Variants in SNW1 observed in about 807,000 individuals in gnomAD.
SNW1 encodes SNW domain-containing protein 1.
SNW1 carries 9 observed loss-of-function variants against 75.6 expected under a neutral mutation model. The ratio of observed to expected loss-of-function variants is 0.12; its 90% CI spans 0.07 to 0.21. The LOEUF (loss-of-function observed/expected upper bound fraction) is 0.21. Among genes scored for constraint, SNW1 ranks in the 10% least tolerant of loss-of-function variants. The probability of loss-of-function intolerance (pLI) is 1.00; values close to 1 mark genes in which losing one functional copy is unlikely to be tolerated. For missense variants in SNW1, 409 were observed against 670.9 expected (o/e 0.61, Z 4.31); for synonymous variants, 200 against 219.1 (o/e 0.91, Z 0.77).
At chr14:77,721,038 T>C in intron 11 of SNW1, 1 of 533,588 alleles carries the variant, frequency 1.9e-6, no homozygotes, top group South Asian at 2.2e-5. Flanking sequence ...TAGGACGTCC[T>C]GTTAGCTCAA....
chr14:77,760,745 C>A (rs1260955470), intron 1 of SNW1: 1 of 702,866 alleles, frequency 1.4e-6, no homozygotes, highest in South Asian at 1.5e-5. Context: ...AGCCCGCGCG[C>A]TTCACTCCGC....
At chr14:77,736,037 T>C (rs967953531) in intron 6 of SNW1, 31 bp from the exon 7 acceptor site, 2 of 1,515,740 alleles carry the variant, frequency 1.3e-6, no homozygotes, top group South Asian at 1.1e-5. Context: ...CAGAGAGTGA[T>C]ATAGTTTCCT....
intron 11 of SNW1, among the ~76,000 whole-genome samples, chr14:77,721,583 T>C (rs2080540864): frequency 6.6e-6 from 1 of 152,206 alleles, no homozygotes; most frequent in Non-Finnish European, 1.5e-5. Context: ...AAGACTGTCA[T>C]TAATTAAACA....
intron 3 of SNW1, among the ~76,000 whole-genome samples, chr14:77,748,015 T>A (rs2080777830): frequency 6.6e-6 from 1 of 152,228 alleles, no homozygotes; most frequent in South Asian, 2.1e-4. Flanking sequence ...ATTGTTGCTG[T>A]GTCTGTGTAG....
chr14:77,746,922 G>GTCTCCCTCTCCC (rs745650463), intron 3 of SNW1, among the ~76,000 whole-genome samples: 9 of 150,556 alleles, frequency 6.0e-5, no homozygotes, highest in Admixed American at 1.3e-4. Context: ...TCTGTGCACG[G>GTCTCCCTCTCCC]TCTCCCTCTC....
intron 3 of SNW1, among the ~76,000 whole-genome samples, chr14:77,740,902 G>A (rs769342307): frequency 6.6e-6 from 1 of 151,990 alleles, no homozygotes; most frequent in African/African-American, 2.4e-5. Flanking sequence ...TTCAAGACCA[G>A]CCTGACCAAC....
chr14:77,719,638 A>G (rs151286501), intron 12 of SNW1, among the ~76,000 whole-genome samples: 1 of 87,556 alleles, frequency 1.1e-5, no homozygotes, highest in East Asian at 2.9e-4. Context: ...GGGACTCCAT[A>G]TCAGAAAACA....
Position 77,755,744 on chromosome 14 carries a change from CT to C in SNW1, c.15-625del, listed in dbSNP as rs61404145. ...GCTTCCGTATTTCCATATTTCTTTC[CT>C]TTTTTTTTTTTGAGACAGAGTCTCT... is the stretch of plus-strand genomic sequence containing the variant. On this transcript the variant is annotated intron_variant, in intron 1 of 13. Transcript: ENST00000261531. 8.2e-3 allele frequency among the ~76,000 whole-genome samples: 1,176 copies of C among 143,862 alleles called. 17 individuals are homozygous for C. The highest frequency in any genetic ancestry group is 0.027 in the African/African-American group (1,044 of 39,236). The allele number at this position is 143,862 out of a possible 152,430, so 94.4% of individuals were successfully genotyped here. A position where few individuals can be genotyped will look rare whatever the true frequency, so the allele number is the denominator to read the frequency against.
At chr14:77,735,381 G>C (rs948840512) in intron 7 of SNW1, among the ~76,000 whole-genome samples, 1 of 152,172 alleles carries the variant, frequency 6.6e-6, no homozygotes, top group African/African-American at 2.4e-5. Flanking sequence ...CGCCTCCTGG[G>C]TTCAAGTGAT....
At chr14:77,756,282 C>T (rs919166322) in intron 1 of SNW1, among the ~76,000 whole-genome samples, 14 of 151,810 alleles carry the variant, frequency 9.2e-5, no homozygotes, top group African/African-American at 3.4e-4. Context: ...CACCACATCC[C>T]TATTTTTTGT....
chr14:77,750,709 C>T (rs1384136778), intron 3 of SNW1, among the ~76,000 whole-genome samples: 1 of 151,688 alleles, frequency 6.6e-6, no homozygotes, highest in Non-Finnish European at 1.5e-5. Flanking sequence ...GTTCCTTGGC[C>T]CTGAGTGTAG....
intron 1 of SNW1, chr14:77,760,518 A>T: frequency 1.6e-6 from 1 of 622,256 alleles, no homozygotes; most frequent in East Asian, 2.7e-5. Context: ...AAACAGCAAA[A>T]CTGAGGTGGT....
chr14:77,756,291 G>C (rs1395417578), intron 1 of SNW1, among the ~76,000 whole-genome samples: 15 of 151,462 alleles, frequency 9.9e-5, no homozygotes, highest in Admixed American at 9.9e-4. Flanking sequence ...CCTATTTTTT[G>C]TATTTTTAGT....
chr14:77,724,771 C>T (rs767511686), intron 10 of SNW1, among the ~76,000 whole-genome samples: 1 of 152,146 alleles, frequency 6.6e-6, no homozygotes, highest in Non-Finnish European at 1.5e-5. Context: ...AACTTGATTC[C>T]GTATCTTGGT....
At chr14:77,747,381 G>A (rs573073827) in intron 3 of SNW1, among the ~76,000 whole-genome samples, 91 of 150,440 alleles carry the variant, frequency 6.0e-4, no homozygotes, top group African/African-American at 2.0e-3. Flanking sequence ...GCCGCCCATC[G>A]TCTGGGATGT....
chr14:77,739,596 C>T (rs910606583), intron 3 of SNW1, among the ~76,000 whole-genome samples: 11 of 151,216 alleles, frequency 7.3e-5, no homozygotes, highest in Non-Finnish European at 1.5e-4. Flanking sequence ...ATGCTTTCTT[C>T]CATGAGAAGA....
At chr14:77,726,589 G>A (rs1276596517) in intron 10 of SNW1, among the ~76,000 whole-genome samples, 1 of 152,152 alleles carries the variant, frequency 6.6e-6, no homozygotes, top group East Asian at 1.9e-4. Context: ...GGAGGCTGAG[G>A]CAGGCAGATC....
At chr14:77,727,839 G>A (rs1458327679) in intron 10 of SNW1, among the ~76,000 whole-genome samples, 1 of 152,128 alleles carries the variant, frequency 6.6e-6, no homozygotes, top group Non-Finnish European at 1.5e-5. Flanking sequence ...AGGGATGTTA[G>A]CCTGTGGTTT....
chr14:77,738,731 T>C (rs1330721474), intron 5 of SNW1, 47 bp downstream of exon 5: 2 of 1,413,568 alleles, frequency 1.4e-6, no homozygotes, highest in Non-Finnish European at 2.0e-6. Context: ...CCCCCCAAGC[T>C]GAATCAAGTT....
Sources: gnomAD v4.1 joint callset for allele counts (sites outside exome capture counted in the v4.1 genomes callset) on GRCh38, gnomAD v4.1.1 for gene constraint, MANE v1.5 for transcripts, NCBI Gene and HGNC (gene_info 2026-07-23, HGNC 2026-07-21) for gene names.